Variants in CRMP1 observed in about 807,000 individuals in gnomAD.
CRMP1 encodes collapsin response mediator protein 1.
Under a neutral mutation model 68.3 loss-of-function variants are expected in CRMP1, and 19 were observed. The ratio of observed to expected loss-of-function variants is 0.28; its 90% CI spans 0.19 to 0.41. The LOEUF (loss-of-function observed/expected upper bound fraction) is 0.41, where lower values mean the gene tolerates loss of function less well. Among genes scored for constraint, CRMP1 ranks in the 10% least tolerant of loss-of-function variants. The pLI is 1.00. For synonymous variants in CRMP1, 439 were observed against 399.6 expected, an observed-to-expected ratio of 1.10 and a Z score of -1.18; for missense variants, 791 against 967.4, an observed-to-expected ratio of 0.82 and a Z score of 2.42.
In CRMP1 at chr4:5,854,623, T is replaced by G. The variant is rs568584052; in HGVS notation, c.820+1520A>C. Among the ~76,000 whole-genome samples the G allele has an allele frequency of 6.6e-6, 1 of 152,214 alleles. No homozygotes were observed. The highest frequency in any genetic ancestry group is 2.4e-5 in the African/African-American group (1 of 41,518). Reference sequence around the variant, plus strand: ...AGTGGGCAAATAATACAATCAGCTATTCACATAAGGAAAAATGTATGCAAA... The same window carrying G: ...AGTGGGCAAATAATACAATCAGCTAGTCACATAAGGAAAAATGTATGCAAA... On this transcript the variant is annotated intron_variant, in intron 4 of 13. Coordinates refer to ENST00000324989, the MANE Select transcript of CRMP1 (RefSeq NM_001014809.3). The surrounding 1 kb of genome is among the most constrained non-coding windows in gnomAD (Gnocchi z 4.0).
At chr4:5,856,618 C>T (rs894949531) in intron 3 of CRMP1, among the ~76,000 whole-genome samples, 1 of 148,816 alleles carries the variant, frequency 6.7e-6, no homozygotes, top group African/African-American at 2.5e-5. Context: ...TCACCATGAC[C>T]GCCACTATCA....
rs950976207 is a variant in CRMP1 at position 5,841,170 on chromosome 4, T to G, written c.1153+138A>C. 1.5e-6 allele frequency: 2 copies of G among 1,301,048 alleles called. No individual in the cohort carries two copies. The highest frequency in any genetic ancestry group is 2.9e-5 in the African/African-American group (2 of 68,880). 80.6% of individuals were successfully genotyped at this position (1,301,048 alleles called of 1,614,324 possible). A position where few individuals can be genotyped will look rare whatever the true frequency, so the allele number is the denominator to read the frequency against. On this transcript the variant is annotated intron_variant, in intron 8 of 13. Transcript: ENST00000324989. This position sits in a 1 kb window ranked among gnomAD's most constrained non-coding sequence, Gnocchi z 6.9. ...GACCAAAGAATTCCAGCCACCATCCTTGTGTCAGGAGCATCCCCGCTCCAC... is the reference window on the plus strand; with the variant it reads ...GACCAAAGAATTCCAGCCACCATCCGTGTGTCAGGAGCATCCCCGCTCCAC...
In CRMP1 at chr4:5,865,351, ATGGCTCACACC is replaced by A. The variant is rs1713907794; in HGVS notation, c.470+1306_470+1316del. Among the ~76,000 whole-genome samples the A allele has an allele frequency of 6.6e-6, 1 of 152,058 alleles. No individual in the cohort carries two copies. Among genetic ancestry groups the A allele is most frequent in the South Asian group, 2.1e-4 (1 of 4,818 alleles). On this transcript the variant is annotated intron_variant, in intron 2 of 13. Transcript: ENST00000324989. The surrounding 1 kb of genome is among the most constrained non-coding windows in gnomAD (Gnocchi z 4.1). ...AAAATGTTAAGGCCAGCCAGGCGCGATGGCTCACACCTGTAATCCCAGCACTTTGGGAGGCC... is the reference window on the plus strand; with the variant it reads ...AAAATGTTAAGGCCAGCCAGGCGCGATGTAATCCCAGCACTTTGGGAGGCC...
In CRMP1 at chr4:5,849,375, A is replaced by C; in HGVS notation, c.963+17T>G. The stretch of plus-strand genomic sequence containing the variant: ...AATCAGACTGAGGTAGAAGGAGTGG[A>C]AATTCTTGCCACTCACCTGAGCTAT... On this transcript the variant is annotated intron_variant, in intron 6 of 13. Coordinates refer to ENST00000324989, the MANE Select transcript of CRMP1 (RefSeq NM_001014809.3). The C allele has an allele frequency of 6.3e-7, 1 of 1,599,602 alleles. No homozygotes were observed. Among genetic ancestry groups the C allele is most frequent in the Non-Finnish European group, 8.6e-7 (1 of 1,167,128 alleles).
chr4:5,847,987 G>T (rs1002100936), intron 6 of CRMP1, among the ~76,000 whole-genome samples: 2 of 152,068 alleles, frequency 1.3e-5, no homozygotes, highest in Non-Finnish European at 2.9e-5. Flanking sequence ...AGACCCAGGA[G>T]CCTGCCTGAC....
rs542180022 is a variant in CRMP1 at position 5,889,938 on chromosome 4, A to G, written c.381+2651T>C. ...AATTTTCCCATTTTACAGACAGGAAATTGAGGCTTACAGAGGTAAAATGAT... is the reference window on the plus strand; with the variant it reads ...AATTTTCCCATTTTACAGACAGGAAGTTGAGGCTTACAGAGGTAAAATGAT... On this transcript the variant is annotated intron_variant, in intron 1 of 13. Coordinates refer to ENST00000324989, the MANE Select transcript of CRMP1 (RefSeq NM_001014809.3). The surrounding 1 kb of genome is among the most constrained non-coding windows in gnomAD (Gnocchi z 4.5). 3.7e-5 allele frequency: 50 copies of G among 1,361,484 alleles called. No homozygotes were observed. Among genetic ancestry groups the G allele is most frequent in the Non-Finnish European group, 4.6e-5 (48 of 1,053,492 alleles). 84.3% of individuals were successfully genotyped at this position (1,361,484 alleles called of 1,614,324 possible).
intron 1 of CRMP1, among the ~76,000 whole-genome samples, chr4:5,871,086 G>A (rs1266431293): frequency 6.6e-6 from 1 of 152,096 alleles, no homozygotes; most frequent in Non-Finnish European, 1.5e-5. Context: ...TGGAGCTCAT[G>A]TTCAAATCCA....
At position 5,858,983 on chromosome 4, in the gene CRMP1, A is replaced by G. The variant is rs1002576029; in HGVS notation, c.655+2043T>C. On this transcript the variant is annotated intron_variant, in intron 3 of 13. Coordinates refer to ENST00000324989, the MANE Select transcript of CRMP1 (RefSeq NM_001014809.3). The surrounding 1 kb of genome is among the most constrained non-coding windows in gnomAD (Gnocchi z 5.5). ...TCCAACTCATCCTTCAGATCCCTGT[A>G]CGAATGTCACTTCTTCAGAGAACAC... Among the ~76,000 whole-genome samples the G allele has an allele frequency of 3.3e-5, 5 of 152,236 alleles. No homozygotes were observed. Among genetic ancestry groups the G allele is most frequent in the African/African-American group, 1.2e-4 (5 of 41,526 alleles).
Position 5,855,297 on chromosome 4 carries a change from T to C in CRMP1, c.820+846A>G, listed in dbSNP as rs375221126. 2.1e-4 allele frequency among the ~76,000 whole-genome samples: 32 copies of C among 152,316 alleles called. No individual in the cohort carries two copies. The highest frequency in any genetic ancestry group is 1.7e-3 in the East Asian group (9 of 5,184). Reference sequence around the variant, plus strand: ...ATGATACTGTTATTACGAGAAAACATAGCACAGCTATTTTAAAAATTGGAA... The same window carrying C: ...ATGATACTGTTATTACGAGAAAACACAGCACAGCTATTTTAAAAATTGGAA... On this transcript the variant is annotated intron_variant, in intron 4 of 13. Transcript: ENST00000324989. The surrounding 1 kb of genome is among the most constrained non-coding windows in gnomAD (Gnocchi z 4.9).
At position 5,890,383 on chromosome 4, in the gene CRMP1, C is replaced by A. The variant is rs1158570347; in HGVS notation, c.381+2206G>T. 6.6e-6 allele frequency among the ~76,000 whole-genome samples: 1 copy of A among 152,190 alleles called. No homozygotes were observed. Among genetic ancestry groups the A allele is most frequent in the Non-Finnish European group, 1.5e-5 (1 of 68,034 alleles). ...GCAGCGGCAATCCTTGCGCCTGCGC[C>A]GCAGAAACCCCTCCTGCAGCCCAGG... On this transcript the variant is annotated intron_variant, in intron 1 of 13. Coordinates refer to ENST00000324989, the MANE Select transcript of CRMP1 (RefSeq NM_001014809.3). The surrounding 1 kb of genome is among the most constrained non-coding windows in gnomAD (Gnocchi z 5.5).
Position 5,849,358 on chromosome 4 carries a change from T to TGA in CRMP1, c.963+32_963+33dup, listed in dbSNP as rs1560500581. 3 of 1,535,138 alleles carry TGA rather than the reference T, an allele frequency of 2.0e-6. No individual in the cohort carries two copies. The Admixed American group carries it at 5.1e-5, about 26-fold the overall frequency. ...CCTTTTGCAACAAGGAGAATCAGAC[T>TGA]GAGGTAGAAGGAGTGGAAATTCTTG... On this transcript the variant is annotated intron_variant, in intron 6 of 13. Coordinates refer to ENST00000324989, the MANE Select transcript of CRMP1 (RefSeq NM_001014809.3).
chr4:5,843,170 C>T lies in CRMP1; in HGVS notation c.964-9G>A, dbSNP rs201973280. The stretch of plus-strand genomic sequence containing the variant: ...AGGATCCGCTTTTGTTCCTACAAGA[C>T]AAGAACAAGTGAGTTAACGATTAGA... On this transcript the variant is annotated splice_polypyrimidine_tract_variant and intron_variant, in intron 6 of 13. Transcript: ENST00000324989. This position sits in a 1 kb window ranked among gnomAD's most constrained non-coding sequence, Gnocchi z 4.1. 2 of 1,614,106 alleles carry T rather than the reference C, an allele frequency of 1.2e-6. No individual in the cohort carries two copies. Among genetic ancestry groups the T allele is most frequent in the Non-Finnish European group, 1.7e-6 (2 of 1,179,984 alleles).
At chr4:5,845,554 G>A (rs529377755) in intron 6 of CRMP1, among the ~76,000 whole-genome samples, 184 of 152,164 alleles carry the variant, frequency 1.2e-3, no homozygotes, top group Non-Finnish European at 2.2e-3. Flanking sequence ...GATGCTCACC[G>A]CCCCCAACCT....
At chr4:5,849,596 A>T in intron 5 of CRMP1, 124 bp from the exon 6 acceptor site, 1 of 639,490 alleles carries the variant, frequency 1.6e-6, no homozygotes, top group Non-Finnish European at 2.8e-6. Context: ...CTCTGCAAAC[A>T]CATTCATGTG....
chr4:5,837,677 A>T (rs200937938), intron 9 of CRMP1, among the ~76,000 whole-genome samples: 16 of 49,214 alleles, frequency 3.3e-4, no homozygotes, highest in Middle Eastern at 6.8e-3. Context: ...ATAAAATAAA[A>T]TAAATAAAAT....
chr4:5,830,697 T>C (rs1451535136), intron 11 of CRMP1, among the ~76,000 whole-genome samples: 1 of 152,198 alleles, frequency 6.6e-6, no homozygotes, highest in African/African-American at 2.4e-5. Flanking sequence ...AACTGTTTGG[T>C]TTATTGCAGC....
intron 4 of CRMP1, 113 bp downstream of exon 4, chr4:5,856,030 C>A: frequency 7.9e-7 from 1 of 1,258,422 alleles, no homozygotes; most frequent in Non-Finnish European, 1.1e-6. Flanking sequence ...GAGTGCAGCT[C>A]ATAATCAGGC....
chr4:5,837,064 C>T (rs573563373), intron 9 of CRMP1, among the ~76,000 whole-genome samples, 158 bp from the exon 10 acceptor site: 2 of 152,218 alleles, frequency 1.3e-5, no homozygotes, highest in Non-Finnish European at 2.9e-5. Context: ...GCACGTGTCA[C>T]AAGTCAGGGA....
At chr4:5,884,311 C>A (rs1715416279) in intron 1 of CRMP1, among the ~76,000 whole-genome samples, 2 of 152,150 alleles carry the variant, frequency 1.3e-5, no homozygotes, top group African/African-American at 4.8e-5. Flanking sequence ...CAAATTAGAG[C>A]AACAAATCGA....
Sources: gnomAD v4.1 joint callset for allele counts (sites outside exome capture counted in the v4.1 genomes callset) on GRCh38, gnomAD v4.1.1 for gene constraint, Gnocchi (gnomAD v3.1) non-coding constraint, MANE v1.5 for transcripts, NCBI Gene and HGNC (gene_info 2026-07-23, HGNC 2026-07-21) for gene names.